The following SETD4 variants were observed in gnomAD, a reference collection of about 807,000 sequenced individuals.
The protein encoded by SETD4 is SET domain-containing protein 4.
A neutral mutation model predicts 58.3 loss-of-function variants in SETD4; 46 were observed. The observed-to-expected ratio is 0.79, with a 90% confidence interval of 0.62 to 1.01. SETD4 has a LOEUF of 1.01. Ranked by LOEUF, SETD4 falls within the 50% of genes least tolerant of loss-of-function variation. The pLI, the probability that SETD4 is intolerant of heterozygous loss-of-function variation, is 0.00. For synonymous variants in SETD4, 190 were observed against 202.6 expected, an observed-to-expected ratio of 0.94 and a Z score of 0.53; for missense variants, 490 against 523.3, an observed-to-expected ratio of 0.94 and a Z score of 0.62.
rs542840422 is a variant in SETD4, at chr21:36,043,495, T to C, written c.901+287A>G. Reference sequence around the variant, plus strand: ...CAACGTCTCAGTATAAACATTTCCATCCTTTAATACTGTATTTATTTCCTT... The same window carrying C: ...CAACGTCTCAGTATAAACATTTCCACCCTTTAATACTGTATTTATTTCCTT... On this transcript the variant is annotated intron_variant, in intron 7 of 11. Transcript: ENST00000332131. 9.2e-6 allele frequency: 11 copies of C among 1,195,402 alleles called. No individual in the cohort carries two copies. The Admixed American group carries it at 4.6e-4, about 50-fold the overall frequency. 74.0% of individuals were successfully genotyped at this position (1,195,402 alleles called of 1,614,324 possible). A position where few individuals can be genotyped will look rare whatever the true frequency, so the allele number is the denominator to read the frequency against.
chr21:36,057,281 GATGAA>G lies in SETD4; in HGVS notation c.74-82_74-78del, dbSNP rs569602524. ...TTACCATTTTTAAAAGAACATGTCT[GATGAA>G]ATGTGTCAGACAGACTTACACAATA... On this transcript the variant is annotated intron_variant, in intron 2 of 11. Transcript: ENST00000332131. 83 of 1,057,126 alleles carry G rather than the reference GATGAA, an allele frequency of 7.9e-5. No individual in the cohort carries two copies. In the African/African-American group the frequency reaches 1.2e-3, roughly 15 times the overall value. The allele number at this position is 1,057,126 out of a possible 1,614,324, so 65.5% of individuals were successfully genotyped here. A position where few individuals can be genotyped will look rare whatever the true frequency, so the allele number is the denominator to read the frequency against.
At chr21:36,043,508 T>A (rs974978054) in intron 7 of SETD4, 9 of 1,271,224 alleles carry the variant, frequency 7.1e-6, no homozygotes, top group Non-Finnish European at 8.9e-6. Flanking sequence ...TTTAATACTG[T>A]ATTTATTTCC....
At chr21:36,055,360 C>A (rs1374397829) in intron 3 of SETD4, among the ~76,000 whole-genome samples, 1 of 152,124 alleles carries the variant, frequency 6.6e-6, no homozygotes, top group Non-Finnish European at 1.5e-5. Flanking sequence ...TAGAAGTGGC[C>A]ATTAGGAGCT....
At position 36,060,504 on chromosome 21, in the gene SETD4, G is replaced by A. The variant is rs1408884516; in HGVS notation, c.-194C>T. On this transcript the variant is annotated 5_prime_UTR_variant, in exon 1 of 12. Coordinates refer to ENST00000332131, the MANE Select transcript of SETD4 (RefSeq NM_017438.5). ...TGTCGCGCCTGCCTGGTGTCCTTAA[G>A]CAATCCAAGTCCTCAGTCTCCCGGG... The A allele has an allele frequency of 2.0e-5, 3 of 152,466 alleles. No homozygotes were observed. Among genetic ancestry groups the A allele is most frequent in the Non-Finnish European group, 4.4e-5 (3 of 68,238 alleles). The allele number at this position is 152,466 out of a possible 1,614,324, so 9.4% of individuals were successfully genotyped here.
rs145307704 is a variant in SETD4, at chr21:36,050,246, G to A, written c.208-1850C>T. 28 of 1,484,378 alleles carry A rather than the reference G, an allele frequency of 1.9e-5. No homozygotes were observed. In the African/African-American group the frequency reaches 3.3e-4, roughly 18 times the overall value. The allele number at this position is 1,484,378 out of a possible 1,614,324, so 92.0% of individuals were successfully genotyped here. On this transcript the variant is annotated intron_variant, in intron 4 of 11. Coordinates refer to ENST00000332131, the MANE Select transcript of SETD4 (RefSeq NM_017438.5). ...GTAGTTACGTGGCTGCCAAGTTGTG[G>A]TTTTTGATAGATTGTCCCATCAGGG...
intron 4 of SETD4, chr21:36,051,423 T>C: frequency 6.9e-7 from 1 of 1,442,928 alleles, no homozygotes; most frequent in Non-Finnish European, 9.2e-7. Context: ...ACTTTCTTTC[T>C]TTTTTCTTTT....
At chr21:36,051,201 A>G in intron 4 of SETD4, 22 of 1,605,404 alleles carry the variant, frequency 1.4e-5, no homozygotes, top group Non-Finnish European at 1.9e-5. Context: ...CAGTGAGACT[A>G]GTGAGCTGGA....
chr21:36,053,901 G>A (rs549569455), intron 3 of SETD4, among the ~76,000 whole-genome samples: 2 of 152,176 alleles, frequency 1.3e-5, no homozygotes, highest in Non-Finnish European at 2.9e-5. Flanking sequence ...GCCTCCTGCA[G>A]GACGCTTTGG....
rs1270144943 is a variant in SETD4 at position 36,036,132 on chromosome 21, T to C, written c.1308A>G (p.Gln436=). Residue 436 remains glutamine, a synonymous_variant, in exon 11 of 12, where the codon CAA becomes CAG. Transcript: ENST00000332131. ...RASAETLHSL[Q]TAFT is the part of the protein sequence containing the mutation. ...TTCGGTGAAATCAGGTAAAAGCTGT[T>C]TGCAAACTGTGCAGGGTCTCGGCAG... 4 of 1,614,170 alleles carry C rather than the reference T, an allele frequency of 2.5e-6. No homozygotes were observed. The highest frequency in any genetic ancestry group is 2.2e-5 in the South Asian group (2 of 91,074).
At chr21:36,048,437 G>A in intron 4 of SETD4, 41 bp from the exon 5 acceptor site, 1 of 1,568,472 alleles carries the variant, frequency 6.4e-7, no homozygotes, top group South Asian at 1.1e-5. Flanking sequence ...CCTATGCTTT[G>A]GGAAGGACCC....
At chr21:36,043,245 AGTGC>A in intron 7 of SETD4, 1 of 167,296 alleles carries the variant, frequency 6.0e-6, no homozygotes, top group Non-Finnish European at 1.2e-5. Flanking sequence ...TGAGCAACAG[AGTGC>A]GACTCTGACT....
At chr21:36,054,196 G>A (rs1191505773) in intron 3 of SETD4, among the ~76,000 whole-genome samples, 2 of 152,322 alleles carry the variant, frequency 1.3e-5, no homozygotes, top group Non-Finnish European at 2.9e-5. Flanking sequence ...TGTTCCCTGT[G>A]AGCCAAGGCT....
At chr21:36,053,690 GA>G (rs1036139210) in intron 3 of SETD4, 70 bp from the exon 4 acceptor site, 2,247 of 1,225,756 alleles carry the variant, frequency 1.8e-3, no homozygotes, top group South Asian at 2.2e-3. Context: ...AACTATTATG[GA>G]AAAAAAAAAT....
chr21:36,036,391 C>T, intron 10 of SETD4, 140 bp from the exon 11 acceptor site: 3 of 884,668 alleles, frequency 3.4e-6, no homozygotes, highest in Non-Finnish European at 5.0e-6. Flanking sequence ...TCCACTGCCA[C>T]TCTCCAGCTC....
Position 36,054,623 on chromosome 21 carries a change from G to C in SETD4, c.170-1003C>G, listed in dbSNP as rs78468228. ...GAATTCCTGCCTCAAGTCCTCCATC[G>C]GTTTCCTGGCAGGTTGGATTTGATG... is the stretch of plus-strand genomic sequence containing the variant. On this transcript the variant is annotated intron_variant, in intron 3 of 11. Coordinates refer to ENST00000332131, the MANE Select transcript of SETD4 (RefSeq NM_017438.5). Among the ~76,000 whole-genome samples the C allele has an allele frequency of 3.8e-5, 5 of 130,502 alleles. No individual in the cohort carries two copies. In the South Asian group the frequency reaches 7.9e-4, roughly 21 times the overall value. The allele number at this position is 130,502 out of a possible 152,430, so 85.6% of individuals were successfully genotyped here.
At chr21:36,057,693 T>C (rs1258858524) in intron 2 of SETD4, among the ~76,000 whole-genome samples, 6 of 152,236 alleles carry the variant, frequency 3.9e-5, no homozygotes, top group African/African-American at 1.2e-4. Flanking sequence ...CTTTGAAAGA[T>C]TGATTTTAAA....
chr21:36,053,690 GAA>G, intron 3 of SETD4, 70 bp from the exon 4 acceptor site: 1 of 1,238,358 alleles, frequency 8.1e-7, no homozygotes, highest in Non-Finnish European at 1.1e-6. Context: ...AACTATTATG[GAA>G]AAAAAAAATG....
At chr21:36,058,467 C>T (rs1204171600) in intron 2 of SETD4, among the ~76,000 whole-genome samples, 3 of 149,630 alleles carry the variant, frequency 2.0e-5, no homozygotes, top group African/African-American at 7.4e-5. Context: ...GATCACGCCA[C>T]TGCATTCCAA....
intron 6 of SETD4, among the ~76,000 whole-genome samples, chr21:36,044,362 C>G (rs879368603): frequency 6.6e-6 from 1 of 152,252 alleles, no homozygotes; most frequent in Admixed American, 6.5e-5. Flanking sequence ...TTTTCACAAT[C>G]CTTTCAAAGT....
Sources: gnomAD v4.1 joint callset for allele counts (sites outside exome capture counted in the v4.1 genomes callset) on GRCh38, gnomAD v4.1.1 for gene constraint, MANE v1.5 for transcripts, NCBI Gene and HGNC (gene_info 2026-07-23, HGNC 2026-07-21) for gene names.